The following CSGALNACT1 variants were observed in gnomAD, a reference collection of about 807,000 sequenced individuals.
CSGALNACT1 encodes the protein beta4GalNAcT-1.
A neutral mutation model predicts 51.0 loss-of-function variants in CSGALNACT1; 52 were observed. That is an observed-to-expected ratio of 1.02 (90% confidence interval 0.82 to 1.29). The LOEUF is 1.29. Among genes scored for constraint, CSGALNACT1 ranks in the 50% most tolerant of loss-of-function variants. The probability of loss-of-function intolerance (pLI) is 0.00; values close to 1 mark genes in which losing one functional copy is unlikely to be tolerated. For synonymous variants in CSGALNACT1, 341 were observed against 254.4 expected (o/e 1.34, Z -3.24); for missense variants, 935 against 679.2 (o/e 1.38, Z -4.19).
intron 6 of CSGALNACT1, among the ~76,000 whole-genome samples, chr8:19,431,148 G>A (rs549871463): frequency 5.3e-5 from 8 of 152,020 alleles, no homozygotes; most frequent in African/African-American, 1.7e-4. Flanking sequence ...TTTCCAATCT[G>A]GATGACTGTT....
intron 1 of CSGALNACT1, among the ~76,000 whole-genome samples, chr8:19,704,681 GATGGATGGATGGATGGGTGGATAA>G (rs957740307): frequency 2.0e-5 from 3 of 152,134 alleles, no homozygotes; most frequent in African/African-American, 7.2e-5. Flanking sequence ...CCCATAGACG[GATGGATGGATGGATGGGTGGATAA>G]ATGGATGGAT....
At chr8:19,704,679 C>T (rs534107418) in intron 1 of CSGALNACT1, among the ~76,000 whole-genome samples, 43 of 152,024 alleles carry the variant, frequency 2.8e-4, no homozygotes, top group South Asian at 8.3e-4. Context: ...TACCCATAGA[C>T]GGATGGATGG....
At chr8:19,473,726 A>C (rs1000289530) in intron 4 of CSGALNACT1, among the ~76,000 whole-genome samples, 3 of 152,204 alleles carry the variant, frequency 2.0e-5, no homozygotes, top group Non-Finnish European at 2.9e-5. Context: ...TCATCTAATT[A>C]ATTAGTGGTG....
intron 1 of CSGALNACT1, among the ~76,000 whole-genome samples, chr8:19,637,082 C>T (rs1423411717): frequency 6.6e-6 from 1 of 152,008 alleles, no homozygotes; most frequent in Non-Finnish European, 1.5e-5. Flanking sequence ...CACCTGTAAT[C>T]CCTCACTTTA....
chr8:19,509,343 G>A (rs1271826414), intron 3 of CSGALNACT1, among the ~76,000 whole-genome samples: 2 of 152,018 alleles, frequency 1.3e-5, no homozygotes, highest in African/African-American at 4.8e-5. Flanking sequence ...GTGTTGGCCG[G>A]GCACGGTGGC....
At chr8:19,635,644 T>C (rs932729324) in intron 1 of CSGALNACT1, among the ~76,000 whole-genome samples, 1 of 152,158 alleles carries the variant, frequency 6.6e-6, no homozygotes, top group African/African-American at 2.4e-5. Flanking sequence ...TGAGGTTGTT[T>C]CATAAAGGAG....
intron 6 of CSGALNACT1, among the ~76,000 whole-genome samples, chr8:19,434,086 C>G (rs138932124): frequency 6.6e-6 from 1 of 152,266 alleles, no homozygotes; most frequent in East Asian, 1.9e-4. Flanking sequence ...TAAATGCTCT[C>G]CAGATTGTTG....
chr8:19,514,571 AG>A (rs1217370323), intron 3 of CSGALNACT1, among the ~76,000 whole-genome samples: 2 of 143,568 alleles, frequency 1.4e-5, no homozygotes, highest in African/African-American at 2.6e-5. Context: ...CTGTAATCCT[AG>A]TGCTTAGGGA....
At chr8:19,610,449 C>T (rs1268230121) in intron 1 of CSGALNACT1, among the ~76,000 whole-genome samples, 2 of 152,036 alleles carry the variant, frequency 1.3e-5, no homozygotes, top group Non-Finnish European at 2.9e-5. Context: ...CTCTGGCCTG[C>T]CACAACCCAT....
intron 1 of CSGALNACT1, among the ~76,000 whole-genome samples, chr8:19,754,424 C>T (rs963124224): frequency 6.6e-6 from 1 of 152,136 alleles, no homozygotes; most frequent in African/African-American, 2.4e-5. Context: ...GAAATAAAAC[C>T]ATTTTAAACA....
chr8:19,615,884 T>A (rs2052931427), intron 1 of CSGALNACT1, among the ~76,000 whole-genome samples: 2 of 152,220 alleles, frequency 1.3e-5, no homozygotes, highest in Admixed American at 6.5e-5. Context: ...GTCAACCTCA[T>A]TAATAAAAAT....
At chr8:19,430,664 G>C (rs763754955) in intron 6 of CSGALNACT1, among the ~76,000 whole-genome samples, 3 of 152,150 alleles carry the variant, frequency 2.0e-5, no homozygotes, top group Non-Finnish European at 2.9e-5. Flanking sequence ...TGTTAAGATT[G>C]TTCTGGCTAT....
intron 3 of CSGALNACT1, among the ~76,000 whole-genome samples, chr8:19,561,646 A>C (rs1564057615): frequency 6.6e-6 from 1 of 152,236 alleles, no homozygotes; most frequent in East Asian, 1.9e-4. Flanking sequence ...TACAAGGGGA[A>C]AACAAGTACA....
chr8:19,597,924 G>A (rs1294699564), intron 2 of CSGALNACT1, among the ~76,000 whole-genome samples: 1 of 152,232 alleles, frequency 6.6e-6, no homozygotes, highest in Non-Finnish European at 1.5e-5. Flanking sequence ...ATGAACAATA[G>A]GGAAAATAAG....
intron 1 of CSGALNACT1, among the ~76,000 whole-genome samples, chr8:19,644,814 T>A (rs1361081009): frequency 6.6e-6 from 1 of 150,840 alleles, no homozygotes; most frequent in Non-Finnish European, 1.5e-5. Flanking sequence ...TGACCTCAGG[T>A]ACCTAACCTA....
intron 1 of CSGALNACT1, among the ~76,000 whole-genome samples, chr8:19,749,785 C>T (rs1034394220): frequency 6.6e-6 from 1 of 152,190 alleles, no homozygotes; most frequent in Non-Finnish European, 1.5e-5. Context: ...GTGACAATAG[C>T]TACCCCTTAA....
intron 3 of CSGALNACT1, among the ~76,000 whole-genome samples, chr8:19,554,193 A>G (rs2089087479): frequency 6.6e-6 from 1 of 152,214 alleles, no homozygotes; most frequent in Admixed American, 6.5e-5. Context: ...TCCAAAGAAA[A>G]AGTACAAGTT....
chr8:19,540,633 A>G lies in CSGALNACT1; in HGVS notation c.-296-34503T>C, dbSNP rs147695508. ...CCAGGTTCTTTGTGATCTGATCTCT[A>G]CTTCCTTCTCCTGCCTCAACTCTCA... is the stretch of plus-strand genomic sequence containing the variant. On this transcript the variant is annotated intron_variant, in intron 3 of 9. Transcript: ENST00000454498. 4.0e-3 allele frequency among the ~76,000 whole-genome samples: 602 copies of G among 152,228 alleles called. 6 individuals carry two copies. The highest frequency in any genetic ancestry group is 0.012 in the African/African-American group (490 of 41,538).
intron 6 of CSGALNACT1, among the ~76,000 whole-genome samples, chr8:19,435,251 T>C (rs1382561736): frequency 6.6e-6 from 1 of 152,156 alleles, no homozygotes. Flanking sequence ...TCCCAGGACT[T>C]TGGGAGGCCG....
Sources: allele counts gnomAD v4.1 joint callset (sites outside exome capture counted in the v4.1 genomes callset), GRCh38; gene constraint gnomAD v4.1.1; transcripts MANE v1.5; gene names NCBI Gene and HGNC (gene_info 2026-07-23, HGNC 2026-07-21).